Variants in LRIG1 observed in about 807,000 individuals in gnomAD.
LRIG1 encodes leucine rich repeats and immunoglobulin like domains 1.
LRIG1 carries 48 observed loss-of-function variants against 99.2 expected under a neutral mutation model. That is an observed-to-expected ratio of 0.48 (90% confidence interval 0.38 to 0.62). LRIG1 has a LOEUF of 0.62. Ranked by LOEUF, LRIG1 falls within the 20% of genes least tolerant of loss-of-function variation. LRIG1 has a pLI of 0.00. For missense variants in LRIG1, 1,646 were observed against 1,434.4 expected, an observed-to-expected ratio of 1.15 and a Z score of -2.38; for synonymous variants, 772 against 596.1, an observed-to-expected ratio of 1.29 and a Z score of -4.30.
intron 9 of LRIG1, among the ~76,000 whole-genome samples, chr3:66,401,135 G>A (rs1428784673): frequency 9.2e-5 from 14 of 152,208 alleles, no homozygotes; most frequent in Non-Finnish European, 1.5e-4. Flanking sequence ...CTTTCAGGCC[G>A]TCTGCATGAA....
At chr3:66,405,128 C>T in intron 9 of LRIG1, 70 bp downstream of exon 9, 1 of 1,416,390 alleles carries the variant, frequency 7.1e-7, no homozygotes, top group Non-Finnish European at 9.9e-7. Flanking sequence ...CGGGGGGCGC[C>T]ACAGAAACAT....
chr3:66,461,626 TG>T (rs1700356442), intron 2 of LRIG1, among the ~76,000 whole-genome samples: 1 of 152,230 alleles, frequency 6.6e-6, no homozygotes, highest in Non-Finnish European at 1.5e-5. Flanking sequence ...TGGGTATGCC[TG>T]GGTGAGAATA....
chr3:66,456,926 G>C (rs1349895922), intron 2 of LRIG1, among the ~76,000 whole-genome samples: 1 of 152,212 alleles, frequency 6.6e-6, no homozygotes, highest in Non-Finnish European at 1.5e-5. Context: ...TGCTGGCCAG[G>C]ACCCCAGCTG....
chr3:66,385,043 T>C (rs1701302551), intron 13 of LRIG1, among the ~76,000 whole-genome samples: 1 of 152,222 alleles, frequency 6.6e-6, no homozygotes, highest in African/African-American at 2.4e-5. Flanking sequence ...TCCACCATTC[T>C]GATGATTCTC....
chr3:66,413,045 G>A (rs781033185), intron 5 of LRIG1, 31 bp from the exon 6 acceptor site: 15 of 1,613,606 alleles, frequency 9.3e-6, no homozygotes, highest in South Asian at 2.2e-5. Context: ...GGGTCAGAGT[G>A]TCTTATGTGC....
At chr3:66,445,842 C>G (rs1703698446) in intron 3 of LRIG1, among the ~76,000 whole-genome samples, 1 of 152,120 alleles carries the variant, frequency 6.6e-6, no homozygotes, top group Non-Finnish European at 1.5e-5. Flanking sequence ...GTGGGAATGC[C>G]AGCCGCTGCC....
chr3:66,482,962 T>C (rs900082068), intron 1 of LRIG1, among the ~76,000 whole-genome samples: 1 of 152,204 alleles, frequency 6.6e-6, no homozygotes, highest in African/African-American at 2.4e-5. Flanking sequence ...TCTTTTGTAC[T>C]TTCTTCTTTA....
chr3:66,386,500 G>A (rs1701383851), intron 12 of LRIG1, 199 bp from the exon 13 acceptor site: 1 of 583,136 alleles, frequency 1.7e-6, no homozygotes, highest in African/African-American at 1.9e-5. Flanking sequence ...AGAAGTCTGT[G>A]AGTACTGATC....
chr3:66,462,940 T>C (rs1480520453), intron 1 of LRIG1, among the ~76,000 whole-genome samples: 3 of 152,122 alleles, frequency 2.0e-5, no homozygotes, highest in African/African-American at 7.2e-5. Context: ...AACCCCTTCA[T>C]TGTCTAAACC....
chr3:66,446,320 C>T (rs1037096763), intron 3 of LRIG1, among the ~76,000 whole-genome samples: 5 of 151,952 alleles, frequency 3.3e-5, no homozygotes, highest in Non-Finnish European at 7.4e-5. Flanking sequence ...GGTAGGACAC[C>T]GCGTTTCTTT....
chr3:66,477,606 A>G (rs998460944), intron 1 of LRIG1, among the ~76,000 whole-genome samples: 5 of 152,224 alleles, frequency 3.3e-5, no homozygotes, highest in Non-Finnish European at 5.9e-5. Context: ...CAAGGAGAAG[A>G]TAAGTTTTTA....
At chr3:66,410,026 C>A (rs2106667636) in intron 7 of LRIG1, 103 bp downstream of exon 7, 1 of 1,268,232 alleles carries the variant, frequency 7.9e-7, no homozygotes, top group Non-Finnish European at 1.1e-6. Flanking sequence ...TGTCTCTGAG[C>A]CCTCCCCGAG....
chr3:66,398,082 T>TA (rs1701924108), intron 11 of LRIG1, 30 bp downstream of exon 11: 1 of 1,565,764 alleles, frequency 6.4e-7, no homozygotes, highest in African/African-American at 1.4e-5. Flanking sequence ...CCACTACCAT[T>TA]AATCAGACCC....
chr3:66,451,098 C>T (rs913041647), intron 3 of LRIG1, among the ~76,000 whole-genome samples: 5 of 152,126 alleles, frequency 3.3e-5, no homozygotes, highest in Non-Finnish European at 7.3e-5. Flanking sequence ...ACCATGACAA[C>T]ATAGTTTTAC....
intron 2 of LRIG1, among the ~76,000 whole-genome samples, chr3:66,454,527 C>T (rs1336446465): frequency 1.3e-5 from 2 of 152,172 alleles, no homozygotes; most frequent in African/African-American, 2.4e-5. Context: ...CCCCTGCCGA[C>T]GCCCATCTCT....
Position 66,381,609 on chromosome 3 carries a change from G to A in LRIG1, c.2640C>T (p.Ser880=), listed in dbSNP as rs765601947. ...TGTGAGTGTCGGGCTCTGGAAAGTGGCTTGCATCTCTTGGACACACACCTG... is the reference window on the plus strand; with the variant it reads ...TGTGAGTGTCGGGCTCTGGAAAGTGACTTGCATCTCTTGGACACACACCTG... ...ESNGVCPRDA[S]HFPEPDTHSV... is the part of the protein sequence containing the mutation. The change falls in exon 17 of 19, where the codon AGC becomes AGT. Residue 880 remains serine (S), a synonymous_variant. Transcript: ENST00000273261. 1 of 1,613,830 alleles carries A rather than the reference G, an allele frequency of 6.2e-7. No homozygotes were observed. The highest frequency in any genetic ancestry group is 2.2e-5 in the East Asian group (1 of 44,886).
chr3:66,483,857 G>T (rs564833921), intron 1 of LRIG1, among the ~76,000 whole-genome samples: 2 of 152,370 alleles, frequency 1.3e-5, no homozygotes, highest in South Asian at 4.1e-4. Flanking sequence ...TGGCCCACCT[G>T]CCAAGGACAG....
At position 66,379,293 on chromosome 3, in the gene LRIG1, CTTAGTAGAAA is replaced by C. The variant is rs1700887536; in HGVS notation, c.*960_*969del. ...GGCATGGACAGGCCTGCTCTGGGTCCTTAGTAGAAATAAGGTAGCCCTGAAAAGTCAGAAC... is the reference window on the plus strand; with the variant it reads ...GGCATGGACAGGCCTGCTCTGGGTCCTAAGGTAGCCCTGAAAAGTCAGAAC... On this transcript the variant is annotated 3_prime_UTR_variant, in exon 19 of 19. Transcript: ENST00000273261. 6.6e-6 allele frequency: 1 copy of C among 152,582 alleles called. No individual in the cohort carries two copies. Among genetic ancestry groups the C allele is most frequent in the Admixed American group, 6.5e-5 (1 of 15,286 alleles). The allele number at this position is 152,582 out of a possible 1,614,324, so 9.5% of individuals were successfully genotyped here.
At chr3:66,384,297 C>G in intron 13 of LRIG1, 25 bp from the exon 14 acceptor site, 1 of 1,594,378 alleles carries the variant, frequency 6.3e-7, no homozygotes, top group Non-Finnish European at 8.6e-7. Context: ...TATACAGGGT[C>G]GGGTTACGGG....
Sources: allele counts gnomAD v4.1 joint callset (sites outside exome capture counted in the v4.1 genomes callset), GRCh38; gene constraint gnomAD v4.1.1; transcripts MANE v1.5; gene names NCBI Gene and HGNC (gene_info 2026-07-23, HGNC 2026-07-21).